PDE10A: variants seen among roughly 807,000 people sequenced by gnomAD.
PDE10A encodes phosphodiesterase 10A, also known as cAMP and cAMP-inhibited cGMP 3',5'-cyclic phosphodiesterase 10A.
A neutral mutation model predicts 97.7 loss-of-function variants in PDE10A; 39 were observed. The observed-to-expected ratio is 0.40, with a 90% CI of 0.31 to 0.52. The LOEUF (loss-of-function observed/expected upper bound fraction) is 0.52. PDE10A is among the 20% of genes least tolerant of loss of function. The pLI is 0.56. For synonymous variants in PDE10A, 371 were observed against 376.8 expected, an observed-to-expected ratio of 0.98 and a Z score of 0.18; for missense variants, 731 against 1,047.8, an observed-to-expected ratio of 0.70 and a Z score of 4.17.
chr6:165,502,328 C>T (rs1222322439), intron 2 of PDE10A, among the ~76,000 whole-genome samples: 1 of 152,106 alleles, frequency 6.6e-6, no homozygotes, highest in Non-Finnish European at 1.5e-5. Context: ...ATAAAAGCCA[C>T]AGACTGGGAG....
At chr6:165,380,370 T>A (rs1364868961) in intron 17 of PDE10A, among the ~76,000 whole-genome samples, 1 of 152,188 alleles carries the variant, frequency 6.6e-6, no homozygotes, top group Non-Finnish European at 1.5e-5. Flanking sequence ...AAATTAGACA[T>A]CTCACTAAGA....
At chr6:165,685,216 G>T (rs929255144) in intron 1 of PDE10A, among the ~76,000 whole-genome samples, 13 of 152,152 alleles carry the variant, frequency 8.5e-5, no homozygotes, top group Middle Eastern at 3.4e-3. Flanking sequence ...AAACAATCCT[G>T]CTCTGTTTAA....
At chr6:165,848,148 A>G (rs1294297434) in intron 1 of PDE10A, among the ~76,000 whole-genome samples, 1 of 152,122 alleles carries the variant, frequency 6.6e-6, no homozygotes, top group East Asian at 1.9e-4. Flanking sequence ...ACACAGAAAA[A>G]TCAACCCACA....
intron 1 of PDE10A, among the ~76,000 whole-genome samples, chr6:165,958,723 G>A (rs1784260157): frequency 5.9e-5 from 1 of 16,852 alleles, no homozygotes; most frequent in African/African-American, 2.4e-4. Flanking sequence ...AGAGAAGAAA[G>A]AAAGAAAGAA....
intron 2 of PDE10A, among the ~76,000 whole-genome samples, chr6:165,540,178 G>A (rs561314282): frequency 1.3e-5 from 2 of 152,186 alleles, no homozygotes; most frequent in Non-Finnish European, 2.9e-5. Context: ...CATAGCGAGC[G>A]TCTCATGATT....
chr6:165,692,031 C>A (rs1791314755), intron 1 of PDE10A, among the ~76,000 whole-genome samples: 1 of 152,150 alleles, frequency 6.6e-6, no homozygotes, highest in South Asian at 2.1e-4. Flanking sequence ...TGAGTAGGCC[C>A]CTATCTCTTT....
intron 16 of PDE10A, among the ~76,000 whole-genome samples, chr6:165,389,593 C>G (rs912300771): frequency 3.9e-5 from 6 of 152,148 alleles, no homozygotes; most frequent in African/African-American, 1.4e-4. Context: ...CAGGAGCTCA[C>G]ATTTAGACTG....
chr6:165,344,911 C>A (rs1782208018), intron 18 of PDE10A, among the ~76,000 whole-genome samples: 1 of 152,134 alleles, frequency 6.6e-6, no homozygotes, highest in Non-Finnish European at 1.5e-5. Context: ...AGATCCAAAT[C>A]CCTTACAAGT....
chr6:165,752,259 T>C lies in PDE10A; in HGVS notation c.-614-208691A>G, dbSNP rs576549491. ...CCCTGCTCTGCAAGGAACAGTATCATCCAATAAAAGACTGCTGTCTAACAT... is the reference window on the plus strand; with the variant it reads ...CCCTGCTCTGCAAGGAACAGTATCACCCAATAAAAGACTGCTGTCTAACAT... On this transcript the variant is annotated intron_variant, in intron 1 of 19. Transcript: ENST00000366882. Among the ~76,000 whole-genome samples the C allele has an allele frequency of 3.2e-4, 49 of 151,776 alleles. 1 individual carries two copies. The South Asian group carries it at 9.8e-3, about 30-fold the overall frequency.
intron 4 of PDE10A, 67 bp from the exon 5 acceptor site, chr6:165,449,044 C>T (rs978096692): frequency 2.7e-6 from 3 of 1,097,798 alleles, no homozygotes; most frequent in Non-Finnish European, 4.2e-6. Flanking sequence ...ATGCATCCTC[C>T]AGGGTGAGAG....
chr6:165,363,698 C>G (rs991922179), intron 18 of PDE10A, among the ~76,000 whole-genome samples: 1 of 151,832 alleles, frequency 6.6e-6, no homozygotes, highest in Non-Finnish European at 1.5e-5. Flanking sequence ...GATATAAGAT[C>G]GGTAGTACAA....
intron 1 of PDE10A, among the ~76,000 whole-genome samples, chr6:165,672,677 C>A (rs1357251781): frequency 2.0e-5 from 3 of 152,192 alleles, no homozygotes; most frequent in Non-Finnish European, 2.9e-5. Flanking sequence ...CACTTGTCTG[C>A]CGCTATGTGA....
chr6:165,890,461 A>C (rs1781761336), intron 1 of PDE10A, among the ~76,000 whole-genome samples: 2 of 151,564 alleles, frequency 1.3e-5, no homozygotes, highest in Admixed American at 1.3e-4. Context: ...TTAAATCCTC[A>C]ATTTTTTGTC....
chr6:165,418,328 C>G lies in PDE10A; in HGVS notation c.1796+307G>C, dbSNP rs913251065. ...TTGGACATGGGAAAACCTGCAGATTCCAGGTGGAGTGTACCTTTACCTACC... is the reference window on the plus strand; with the variant it reads ...TTGGACATGGGAAAACCTGCAGATTGCAGGTGGAGTGTACCTTTACCTACC... On this transcript the variant is annotated intron_variant, in intron 11 of 21. Coordinates refer to ENST00000539869, the MANE Select transcript of PDE10A (RefSeq NM_001385079.1). The surrounding 1 kb of genome is among the most constrained non-coding windows in gnomAD (Gnocchi z 4.8). 6.6e-6 allele frequency among the ~76,000 whole-genome samples: 1 copy of G among 152,138 alleles called. No homozygotes were observed. The highest frequency in any genetic ancestry group is 1.5e-5 in the Non-Finnish European group (1 of 68,022).
At chr6:165,695,537 C>T (rs986527060) in intron 1 of PDE10A, among the ~76,000 whole-genome samples, 4 of 152,176 alleles carry the variant, frequency 2.6e-5, no homozygotes, top group Admixed American at 2.0e-4. Context: ...CATGCCCTGC[C>T]GCCTGTTGCT....
intron 18 of PDE10A, among the ~76,000 whole-genome samples, chr6:165,360,759 G>A (rs1160394164): frequency 6.6e-6 from 1 of 152,148 alleles, no homozygotes; most frequent in African/African-American, 2.4e-5. Context: ...CCCAAATACT[G>A]TTGTTGTAAA....
At chr6:165,836,886 A>T (rs941555830) in intron 1 of PDE10A, among the ~76,000 whole-genome samples, 1 of 152,126 alleles carries the variant, frequency 6.6e-6, no homozygotes, top group African/African-American at 2.4e-5. Flanking sequence ...TGATGAGTTC[A>T]TGTCGTTTGT....
intron 5 of PDE10A, among the ~76,000 whole-genome samples, chr6:165,440,041 A>T (rs1398658154): frequency 6.6e-6 from 1 of 152,194 alleles, no homozygotes; most frequent in Non-Finnish European, 1.5e-5. Flanking sequence ...TAAATTTTGG[A>T]AACACTTCTT....
At chr6:165,774,416 A>C (rs2077470636) in intron 1 of PDE10A, among the ~76,000 whole-genome samples, 1 of 149,784 alleles carries the variant, frequency 6.7e-6, no homozygotes, top group African/African-American at 2.4e-5. Context: ...AAAGTACTGA[A>C]TATTGCTCTT....
Sources: gnomAD v4.1 joint callset for allele counts (sites outside exome capture counted in the v4.1 genomes callset) on GRCh38, gnomAD v4.1.1 for gene constraint, Gnocchi (gnomAD v3.1) non-coding constraint, MANE v1.5 for transcripts, NCBI Gene and HGNC (gene_info 2026-07-23, HGNC 2026-07-21) for gene names.